The following POLR3A variants were observed in gnomAD, a reference collection of about 807,000 sequenced individuals.
The protein encoded by POLR3A is RNA polymerase III subunit A, also known as DNA-directed RNA polymerase III subunit RPC1.
In POLR3A, 112 loss-of-function variants were observed where a neutral mutation model predicts 152.8. The observed-to-expected ratio is 0.73, with a 90% confidence interval of 0.63 to 0.86. The LOEUF is 0.86. POLR3A is among the 40% of genes least tolerant of loss of function. The probability of loss-of-function intolerance (pLI) is 0.00; values close to 1 mark genes in which losing one functional copy is unlikely to be tolerated. For synonymous variants in POLR3A, 615 were observed against 652.1 expected, an observed-to-expected ratio of 0.94 and a Z score of 0.87; for missense variants, 1,385 against 1,743.1, an observed-to-expected ratio of 0.79 and a Z score of 3.66.
intron 21 of POLR3A, among the ~76,000 whole-genome samples, chr10:77,986,743 T>C (rs1381059906): frequency 6.6e-6 from 1 of 152,104 alleles, no homozygotes; most frequent in Non-Finnish European, 1.5e-5. Context: ...TACACTGTCT[T>C]CCCACACACA....
intron 24 of POLR3A, 51 bp downstream of exon 24, chr10:77,985,119 C>T: frequency 1.4e-6 from 2 of 1,455,278 alleles, no homozygotes; most frequent in East Asian, 2.3e-5. Context: ...CATTGTTTCT[C>T]AGGAAACAGG....
chr10:77,999,500 T>C (rs1191858056), intron 19 of POLR3A, among the ~76,000 whole-genome samples: 1 of 152,168 alleles, frequency 6.6e-6, no homozygotes, highest in East Asian at 1.9e-4. Flanking sequence ...CAGAGTCTAT[T>C]ATCTCAGAGC....
intron 9 of POLR3A, 140 bp downstream of exon 9, chr10:78,019,022 G>C (rs977623793): frequency 2.8e-6 from 2 of 714,830 alleles, no homozygotes; most frequent in African/African-American, 1.7e-5. Flanking sequence ...CTTGGCTCAC[G>C]GAAATTTAAA....
intron 26 of POLR3A, among the ~76,000 whole-genome samples, chr10:77,983,314 G>T (rs767525054): frequency 1.3e-5 from 2 of 152,182 alleles, no homozygotes; most frequent in Non-Finnish European, 2.9e-5. Context: ...CTGTTATATG[G>T]GTAACATATG....
In POLR3A at chr10:77,991,114, C is replaced by T. The variant is rs1204971001; in HGVS notation, c.2841G>A (p.Leu947=). 2 of 1,613,872 alleles carry T rather than the reference C, an allele frequency of 1.2e-6. No homozygotes were observed. The highest frequency in any genetic ancestry group is 4.5e-5 in the East Asian group (2 of 44,896). ...TCTTCTTCATGATGGACTCTGTGGT[C>T]AGGATCAGCTCGTTTTTGCTGAGAG... ...EPALSKNELI[L]TTESIMKKSE... is the part of the protein sequence containing the mutation. Residue 947 remains leucine, a synonymous_variant, in exon 21 of 31, where the codon CTG becomes CTA. Coordinates refer to ENST00000372371, the MANE Select transcript of POLR3A (RefSeq NM_007055.4).
intron 9 of POLR3A, among the ~76,000 whole-genome samples, chr10:78,018,801 G>T (rs1210390102): frequency 1.3e-5 from 2 of 152,210 alleles, no homozygotes; most frequent in Admixed American, 1.3e-4. Context: ...GGCCAGGCTG[G>T]TCTTGAACTC....
At chr10:78,008,920 G>A (rs933791747) in intron 14 of POLR3A, among the ~76,000 whole-genome samples, 4 of 151,514 alleles carry the variant, frequency 2.6e-5, no homozygotes, top group African/African-American at 7.3e-5. Flanking sequence ...ACTTTGGGAG[G>A]GCAAGGCAGA....
intron 10 of POLR3A, among the ~76,000 whole-genome samples, chr10:78,017,205 G>A (rs1043188232): frequency 2.6e-5 from 4 of 151,934 alleles, no homozygotes; most frequent in African/African-American, 7.2e-5. Context: ...AAGGAGGATC[G>A]CTTGAGCCCA....
At chr10:78,001,362 C>T (rs1394293211) in intron 17 of POLR3A, among the ~76,000 whole-genome samples, 5 of 151,918 alleles carry the variant, frequency 3.3e-5, no homozygotes, top group African/African-American at 1.2e-4. Flanking sequence ...GAGGCTTCAG[C>T]AAGTCCAGGT....
intron 19 of POLR3A, 23 bp downstream of exon 19, chr10:77,999,958 T>C (rs909439854): frequency 1.4e-5 from 22 of 1,612,916 alleles, no homozygotes; most frequent in Non-Finnish European, 1.7e-5. Context: ...CTGTTGCTAA[T>C]GGCCTACATT....
rs1291636167 is a variant in POLR3A at position 77,975,920 on chromosome 10, G to C, written c.*1558C>G. Reference sequence around the variant, plus strand: ...GGTCTCAAGTAGAAGCCCTGAATTAGTGTTCATTAACAAACTTAATCCTTT... The same window carrying C: ...GGTCTCAAGTAGAAGCCCTGAATTACTGTTCATTAACAAACTTAATCCTTT... On this transcript the variant is annotated 3_prime_UTR_variant, in exon 31 of 31. Transcript: ENST00000372371. 1.3e-5 allele frequency: 2 copies of C among 152,040 alleles called. No homozygotes were observed. Among genetic ancestry groups the C allele is most frequent in the East Asian group, 3.9e-4 (2 of 5,190 alleles). The allele number at this position is 152,040 out of a possible 1,614,324, so 9.4% of individuals were successfully genotyped here.
chr10:77,980,532 T>TA (rs1376236287), intron 29 of POLR3A, among the ~76,000 whole-genome samples: 1 of 151,380 alleles, frequency 6.6e-6, no homozygotes, highest in Non-Finnish European at 1.5e-5. Flanking sequence ...AGACTAACTT[T>TA]AAAAAAGGGG....
At chr10:77,988,951 C>T (rs2131933797) in intron 21 of POLR3A, among the ~76,000 whole-genome samples, 1 of 152,312 alleles carries the variant, frequency 6.6e-6, no homozygotes, top group Non-Finnish European at 1.5e-5. Flanking sequence ...ACTGTGCACA[C>T]ATAGGGAGTA....
At chr10:78,020,426 G>A (rs1383370176) in intron 8 of POLR3A, among the ~76,000 whole-genome samples, 3 of 150,752 alleles carry the variant, frequency 2.0e-5, no homozygotes, top group African/African-American at 7.3e-5. Context: ...GGAGTTTGAG[G>A]TTACAGTGAG....
chr10:78,019,018 T>C, intron 9 of POLR3A, 144 bp downstream of exon 9: 1 of 705,470 alleles, frequency 1.4e-6, no homozygotes. Flanking sequence ...ATACCTTGGC[T>C]CACGGAAATT....
Position 78,024,987 on chromosome 10 carries a change from G to T in POLR3A, c.474C>A (p.His158Gln), listed in dbSNP as rs1847617742. The T allele has an allele frequency of 5.6e-6, 9 of 1,614,030 alleles. No homozygotes were observed. Among genetic ancestry groups the T allele is most frequent in the Non-Finnish European group, 7.6e-6 (9 of 1,180,020 alleles). ...DKCRKKNICH[H>Q]CGAFNGTVKK... ...TCCACTCACCATTAAAAGCGCCACA[G>T]TGATGGCAGATGTTTTTCTTCCGGC... Residue 158 changes from histidine (H) to glutamine (Q), a missense_variant, in exon 4 of 31, where the codon CAC becomes CAA. Around this residue, in one of 7 missense-constraint regions of POLR3A, gnomAD observed 493 missense variants for 647.5 expected, o/e 0.76. Coordinates refer to ENST00000372371, the MANE Select transcript of POLR3A (RefSeq NM_007055.4).
intron 26 of POLR3A, among the ~76,000 whole-genome samples, chr10:77,983,328 T>C (rs1238229134): frequency 1.3e-5 from 2 of 152,242 alleles, no homozygotes; most frequent in African/African-American, 4.8e-5. Flanking sequence ...ACATATGAAC[T>C]TGATGCGTGA....
chr10:77,985,409 G>C (rs1847187239), intron 23 of POLR3A, 69 bp from the exon 24 acceptor site: 2 of 1,217,416 alleles, frequency 1.6e-6, no homozygotes, highest in Admixed American at 3.4e-5. Context: ...GCTGGGGAGA[G>C]GCTTCTGGTT....
At chr10:78,003,424 G>A (rs367644993) in intron 16 of POLR3A, among the ~76,000 whole-genome samples, 18 of 152,312 alleles carry the variant, frequency 1.2e-4, no homozygotes, top group East Asian at 5.8e-4. Context: ...GGCAGAAGAC[G>A]GCCAGGTGAA....
Sources: gnomAD v4.1 joint callset for allele counts (sites outside exome capture counted in the v4.1 genomes callset) on GRCh38, gnomAD v4.1.1 for gene constraint, gnomAD v4.1.1 regional missense constraint, MANE v1.5 for transcripts, NCBI Gene and HGNC (gene_info 2026-07-23, HGNC 2026-07-21) for gene names.